Variants in DIP2C observed in about 807,000 individuals in gnomAD.
DIP2C encodes disco-interacting protein 2 homolog C.
In DIP2C, 33 loss-of-function variants were observed where a neutral mutation model predicts 192.4. The ratio of observed to expected loss-of-function variants is 0.17; its 90% CI spans 0.13 to 0.23. The LOEUF is 0.23. Among genes scored for constraint, DIP2C ranks in the 10% least tolerant of loss-of-function variants. The pLI, the probability that DIP2C is intolerant of heterozygous loss-of-function variation, is 1.00. For synonymous variants in DIP2C, 979 were observed against 864.1 expected (o/e 1.13, Z -2.33); for missense variants, 1,537 against 2,110.1 (o/e 0.73, Z 5.32).
At chr10:576,397 T>C (rs1384330837) in intron 1 of DIP2C, among the ~76,000 whole-genome samples, 3 of 152,226 alleles carry the variant, frequency 2.0e-5, no homozygotes, top group African/African-American at 2.4e-5. Context: ...CAGACAGGCC[T>C]GGTCTCAGCC....
chr10:574,480 G>A (rs1422213168), intron 1 of DIP2C, among the ~76,000 whole-genome samples: 2 of 152,240 alleles, frequency 1.3e-5, no homozygotes, highest in African/African-American at 4.8e-5. Context: ...TGTGACAACG[G>A]AAGGACTCTG....
intron 1 of DIP2C, among the ~76,000 whole-genome samples, chr10:612,135 T>C (rs1464700592): frequency 6.6e-6 from 1 of 151,946 alleles, no homozygotes; most frequent in East Asian, 1.9e-4. Flanking sequence ...TCTCTACTAA[T>C]ACGAAAAATG....
At chr10:662,865 C>T (rs1588714548) in intron 1 of DIP2C, 5 of 717,540 alleles carry the variant, frequency 7.0e-6, no homozygotes, top group Non-Finnish European at 1.3e-5. Flanking sequence ...AGCAGAACCA[C>T]ACTCAGCAGC....
At chr10:654,591 A>C (rs970128331) in intron 1 of DIP2C, among the ~76,000 whole-genome samples, 2 of 152,202 alleles carry the variant, frequency 1.3e-5, no homozygotes, top group Non-Finnish European at 2.9e-5. Context: ...CAGAGTATAC[A>C]GACTGCTTCA....
chr10:455,204 A>C (rs1969190131), intron 3 of DIP2C, among the ~76,000 whole-genome samples: 3 of 152,234 alleles, frequency 2.0e-5, no homozygotes, highest in African/African-American at 7.2e-5. Context: ...CAAGTTGCTT[A>C]ACCTATTTGC....
At chr10:438,445 C>T (rs1229034009) in intron 4 of DIP2C, among the ~76,000 whole-genome samples, 1 of 152,082 alleles carries the variant, frequency 6.6e-6, no homozygotes. Context: ...CATTTTTTTA[C>T]CATAAGTTTT....
At chr10:592,793 CCAGTT>C (rs1288838847) in intron 1 of DIP2C, among the ~76,000 whole-genome samples, 1 of 152,062 alleles carries the variant, frequency 6.6e-6, no homozygotes, top group Non-Finnish European at 1.5e-5. Flanking sequence ...GAATACAGCT[CCAGTT>C]AAGTTAGTAG....
At chr10:286,708 T>C (rs1167058714) in intron 33 of DIP2C, among the ~76,000 whole-genome samples, 1 of 152,206 alleles carries the variant, frequency 6.6e-6, no homozygotes, top group African/African-American at 2.4e-5. Context: ...CAGCCTGACC[T>C]TGAAAAATGG....
intron 1 of DIP2C, among the ~76,000 whole-genome samples, chr10:674,366 G>T (rs1022354041): frequency 6.7e-6 from 1 of 150,350 alleles, no homozygotes; most frequent in Non-Finnish European, 1.5e-5. Flanking sequence ...GAGACAAAAA[G>T]GTAATTATAT....
intron 1 of DIP2C, among the ~76,000 whole-genome samples, chr10:586,054 C>CT (rs1202001454): frequency 6.6e-6 from 1 of 152,192 alleles, no homozygotes; most frequent in Non-Finnish European, 1.5e-5. Context: ...CGGCTCAACT[C>CT]TAAGGGCAGG....
At chr10:583,780 A>AC (rs1340806036) in intron 1 of DIP2C, among the ~76,000 whole-genome samples, 1 of 152,194 alleles carries the variant, frequency 6.6e-6, no homozygotes, top group Non-Finnish European at 1.5e-5. Flanking sequence ...GCCGAAATCC[A>AC]CCCGATCGCT....
chr10:423,983 A>C (rs183411084), intron 4 of DIP2C, among the ~76,000 whole-genome samples: 2 of 152,320 alleles, frequency 1.3e-5, no homozygotes, highest in Admixed American at 6.5e-5. Flanking sequence ...AAAATACATC[A>C]ATTTTTTCAC....
chr10:387,971 T>A (rs549695556), intron 13 of DIP2C, among the ~76,000 whole-genome samples, 162 bp from the exon 14 acceptor site: 1 of 152,186 alleles, frequency 6.6e-6, no homozygotes, highest in Non-Finnish European at 1.5e-5. Flanking sequence ...AGTAGGCCGG[T>A]TTGAGTGCCG....
intron 1 of DIP2C, among the ~76,000 whole-genome samples, chr10:596,516 A>G (rs1851714316): frequency 6.6e-6 from 1 of 150,878 alleles, no homozygotes; most frequent in African/African-American, 2.4e-5. Flanking sequence ...AAAAAAAAAA[A>G]AAAAAAAAAA....
At chr10:464,457 G>A (rs896665063) in intron 3 of DIP2C, among the ~76,000 whole-genome samples, 8 of 151,662 alleles carry the variant, frequency 5.3e-5, no homozygotes, top group East Asian at 1.9e-4. Context: ...ACCATTCCAC[G>A]CCAGTTAGAA....
At chr10:572,784 C>T (rs549574928) in intron 1 of DIP2C, among the ~76,000 whole-genome samples, 9 of 152,274 alleles carry the variant, frequency 5.9e-5, no homozygotes, top group Admixed American at 3.9e-4. Context: ...TTAATAAACA[C>T]GTTGGTGCAG....
At chr10:512,161 A>G (rs1236622430) in intron 1 of DIP2C, among the ~76,000 whole-genome samples, 1 of 152,166 alleles carries the variant, frequency 6.6e-6, no homozygotes, top group Non-Finnish European at 1.5e-5. Flanking sequence ...CAGTCCACCT[A>G]TACTTCTTTG....
At chr10:623,649 A>C (rs1466447340) in intron 1 of DIP2C, among the ~76,000 whole-genome samples, 4 of 60,194 alleles carry the variant, frequency 6.6e-5, no homozygotes, top group Non-Finnish European at 2.9e-5. Context: ...CGCAGGGGCG[A>C]GGGGAAGAGG....
Position 436,357 on chromosome 10 carries a change from G to A in DIP2C, c.394+4514C>T, listed in dbSNP as rs544785382. 1.1e-4 allele frequency among the ~76,000 whole-genome samples: 16 copies of A among 152,360 alleles called. No homozygotes were observed. The South Asian group carries it at 2.9e-3, about 28-fold the overall frequency. ...TTTAGCAGGCAGCGCAGGCACTGCT[G>A]GGTCATCGTGACCATGGGCAGGCTT... On this transcript the variant is annotated intron_variant, in intron 4 of 36. Transcript: ENST00000280886.
Sources: allele counts gnomAD v4.1 joint callset (sites outside exome capture counted in the v4.1 genomes callset), GRCh38; gene constraint gnomAD v4.1.1; transcripts MANE v1.5; gene names NCBI Gene and HGNC (gene_info 2026-07-23, HGNC 2026-07-21).